Variants in CACNA1A observed in about 807,000 individuals in gnomAD.
CACNA1A encodes the protein voltage-dependent P/Q-type calcium channel subunit alpha-1A.
CACNA1A carries 57 observed loss-of-function variants against 262.4 expected under a neutral mutation model. The ratio of observed to expected loss-of-function variants is 0.22; its 90% CI spans 0.18 to 0.27. The LOEUF (loss-of-function observed/expected upper bound fraction) is 0.27, where lower values mean the gene tolerates loss of function less well. Ranked by LOEUF, CACNA1A falls within the 10% of genes least tolerant of loss-of-function variation. CACNA1A has a pLI of 1.00. For missense variants in CACNA1A, 2,526 were observed against 3,562.8 expected (o/e 0.71, Z 7.41); for synonymous variants, 1,431 against 1,419.3 (o/e 1.01, Z -0.18).
Position 13,442,791 on chromosome 19 carries a change from C to A in CACNA1A, c.539+10085G>T, listed in dbSNP as rs543702809. Among the ~76,000 whole-genome samples, 9 of 152,324 alleles carry A rather than the reference C, an allele frequency of 5.9e-5. 1 individual carries two copies. The South Asian group carries it at 1.9e-3, about 32-fold the overall frequency. On this transcript the variant is annotated intron_variant, in intron 3 of 46. Transcript: ENST00000360228. ...TGAAATCTCTTCTGCTCCTGTTTTC[C>A]CCCAGCCATAGTGGAACCCAAGATC... is the stretch of plus-strand genomic sequence containing the variant.
chr19:13,390,247 G>C (rs1432907718), intron 3 of CACNA1A, among the ~76,000 whole-genome samples: 1 of 152,130 alleles, frequency 6.6e-6, no homozygotes, highest in Non-Finnish European at 1.5e-5. Context: ...CTGAGTAGCT[G>C]GGACTACAGG....
intron 43 of CACNA1A, chr19:13,211,671 TG>T (rs1232445706): frequency 4.9e-6 from 1 of 206,052 alleles, no homozygotes; most frequent in Non-Finnish European, 1.0e-5. Flanking sequence ...TGCAAGCATC[TG>T]AGTAGGCGCA....
chr19:13,417,929 C>T (rs2060251581), intron 3 of CACNA1A, among the ~76,000 whole-genome samples: 1 of 151,486 alleles, frequency 6.6e-6, no homozygotes, highest in African/African-American at 2.4e-5. Flanking sequence ...GCATCTTCCA[C>T]CAAGACACAG....
chr19:13,285,494 GCCC>G (rs1412812102), intron 20 of CACNA1A, among the ~76,000 whole-genome samples: 2 of 152,024 alleles, frequency 1.3e-5, no homozygotes, highest in Non-Finnish European at 2.9e-5. Context: ...AGGCGGCCTG[GCCC>G]CCGAGAGCCT....
chr19:13,487,877 T>C (rs1234811391), intron 1 of CACNA1A, among the ~76,000 whole-genome samples: 3 of 151,328 alleles, frequency 2.0e-5, no homozygotes, highest in Non-Finnish European at 4.4e-5. Context: ...ACCATCATTG[T>C]TCACTGCAGC....
intron 3 of CACNA1A, among the ~76,000 whole-genome samples, chr19:13,424,923 G>T (rs1488128932): frequency 3.3e-5 from 5 of 152,048 alleles, no homozygotes; most frequent in African/African-American, 1.2e-4. Flanking sequence ...TCCTGCCTCA[G>T]CCTCCCAAGT....
At chr19:13,323,899 T>G (rs1345180084) in intron 10 of CACNA1A, among the ~76,000 whole-genome samples, 1 of 152,194 alleles carries the variant, frequency 6.6e-6, no homozygotes, top group Non-Finnish European at 1.5e-5. Flanking sequence ...CTTTACCATT[T>G]CAGGTCTGAC....
At chr19:13,287,476 G>A (rs1199882765) in intron 19 of CACNA1A, among the ~76,000 whole-genome samples, 1 of 152,138 alleles carries the variant, frequency 6.6e-6, no homozygotes, top group Non-Finnish European at 1.5e-5. Context: ...AGACCTTCAC[G>A]TGCCCATGGA....
At chr19:13,283,236 G>T (rs748836205) in intron 22 of CACNA1A, 31 bp downstream of exon 22, 1 of 1,607,352 alleles carries the variant, frequency 6.2e-7, no homozygotes, top group Admixed American at 1.7e-5. Flanking sequence ...GAGCAGCCAG[G>T]CTAGGAAGGG....
At chr19:13,262,656 G>T in intron 25 of CACNA1A, 78 bp downstream of exon 25, 1 of 824,576 alleles carries the variant, frequency 1.2e-6, no homozygotes, top group Non-Finnish European at 2.1e-6. Flanking sequence ...TTGTCCTTGA[G>T]CAGTGTACAA....
At chr19:13,350,085 A>G (rs949048329) in intron 6 of CACNA1A, among the ~76,000 whole-genome samples, 12 of 152,114 alleles carry the variant, frequency 7.9e-5, no homozygotes, top group African/African-American at 2.7e-4. Context: ...TTTCCAGTAA[A>G]CCTGCATTTG....
At chr19:13,456,164 TAATA>T (rs891852531) in intron 1 of CACNA1A, among the ~76,000 whole-genome samples, 288 of 151,508 alleles carry the variant, frequency 1.9e-3, no homozygotes, top group African/African-American at 5.9e-3. Context: ...ATAAATAAAA[TAATA>T]AATAAATAAG....
intron 10 of CACNA1A, among the ~76,000 whole-genome samples, chr19:13,319,976 C>T (rs1182627437): frequency 1.3e-5 from 2 of 152,144 alleles, no homozygotes; most frequent in Non-Finnish European, 2.9e-5. Flanking sequence ...GGCAGGGGCA[C>T]ATTCCACTCG....
chr19:13,306,145 C>T (rs539809764), intron 15 of CACNA1A, among the ~76,000 whole-genome samples: 2 of 152,000 alleles, frequency 1.3e-5, no homozygotes, highest in East Asian at 1.9e-4. Flanking sequence ...CTTGGGGTCT[C>T]ATTTAGAAAC....
At chr19:13,331,225 C>T (rs10426233) in intron 9 of CACNA1A, among the ~76,000 whole-genome samples, 14,282 of 152,066 alleles carry the variant, frequency 0.094, 986 homozygotes, top group African/African-American at 0.2. Context: ...AAGTCATCAC[C>T]CTGTCTAACC....
chr19:13,413,406 T>C (rs2060151343), intron 3 of CACNA1A, among the ~76,000 whole-genome samples: 1 of 148,940 alleles, frequency 6.7e-6, no homozygotes, highest in Non-Finnish European at 1.5e-5. Context: ...GTGCCCGGCC[T>C]ACAAAAAGTT....
At chr19:13,209,035 C>T (rs1600080360) in intron 45 of CACNA1A, 26 bp from the exon 46 acceptor site, 1 of 1,536,666 alleles carries the variant, frequency 6.5e-7, no homozygotes, top group Non-Finnish European at 8.7e-7. Flanking sequence ...GTCAGACAGA[C>T]ACACAGGTGG....
intron 30 of CACNA1A, chr19:13,252,773 T>C: frequency 5.4e-6 from 2 of 373,708 alleles, no homozygotes; most frequent in East Asian, 8.2e-5. Context: ...ACTGGATACA[T>C]AAGCAGCCAT....
chr19:13,211,651 CGT>C (rs373714624), intron 43 of CACNA1A: 2,499 of 196,770 alleles, frequency 0.013, 20 homozygotes, highest in Non-Finnish European at 0.016. Context: ...CGTGCACACA[CGT>C]GTGTGTATGC....
Sources: gnomAD v4.1 joint callset for allele counts (sites outside exome capture counted in the v4.1 genomes callset) on GRCh38, gnomAD v4.1.1 for gene constraint, MANE v1.5 for transcripts, NCBI Gene and HGNC (gene_info 2026-07-23, HGNC 2026-07-21) for gene names.